GPC4: variants seen among roughly 807,000 people sequenced by gnomAD.
GPC4 encodes glypican-4.
A neutral mutation model predicts 35.0 loss-of-function variants in GPC4; 10 were observed. The observed-to-expected ratio is 0.29, with a 90% confidence interval of 0.18 to 0.48. The LOEUF (loss-of-function observed/expected upper bound fraction) is 0.48, where lower values mean the gene tolerates loss of function less well. GPC4 is among the 20% of genes least tolerant of loss of function. GPC4 has a pLI of 0.99. For synonymous variants in GPC4, 167 were observed against 170.2 expected (o/e 0.98, Z 0.15); for missense variants, 322 against 451.3 (o/e 0.71, Z 2.60).
At chrX:133,376,895 T>C (rs1308269747) in intron 1 of GPC4, among the ~76,000 whole-genome samples, 1 of 111,687 alleles carries the variant, frequency 9.0e-6, no homozygotes, top group Non-Finnish European at 1.9e-5. Flanking sequence ...CCTGCAAACA[T>C]GGACACAGAC....
In GPC4 at chrX:133,399,197, A is replaced by G. The variant is rs190421919; in HGVS notation, c.160+15609T>C. Among the ~76,000 whole-genome samples the G allele has an allele frequency of 5.3e-5, 6 of 112,365 alleles. No individual in the cohort carries two copies. The East Asian group carries it at 1.7e-3, about 32-fold the overall frequency. ...TGACAGTATTTCTGTGGTCTCTATGAAAATGAGAGCGGACTCAGACCTTTC... is the reference window on the plus strand; with the variant it reads ...TGACAGTATTTCTGTGGTCTCTATGGAAATGAGAGCGGACTCAGACCTTTC... On this transcript the variant is annotated intron_variant, in intron 1 of 8. Transcript: ENST00000370828.
At chrX:133,396,803 A>C (rs1220292978) in intron 1 of GPC4, among the ~76,000 whole-genome samples, 1 of 112,152 alleles carries the variant, frequency 8.9e-6, no homozygotes, top group African/African-American at 3.2e-5. Flanking sequence ...TTGGCAACTA[A>C]AGCAACTTAA....
At chrX:133,380,315 C>T (rs980993796) in intron 1 of GPC4, among the ~76,000 whole-genome samples, 9 of 109,762 alleles carry the variant, frequency 8.2e-5, no homozygotes, top group Admixed American at 6.9e-4. Flanking sequence ...CCAGCCTGGG[C>T]GACAGATCAA....
intron 3 of GPC4, among the ~76,000 whole-genome samples, chrX:133,315,358 G>A (rs1281904395): frequency 1.8e-5 from 2 of 110,129 alleles, no homozygotes; most frequent in Non-Finnish European, 3.8e-5. Flanking sequence ...GGATCCAGTG[G>A]TGGCACTTAC....
chrX:133,317,870 AAGAAAGG>A (rs1268049930), intron 3 of GPC4, among the ~76,000 whole-genome samples: 2 of 53,028 alleles, frequency 3.8e-5, no homozygotes, highest in African/African-American at 2.9e-4. Context: ...CATATACACA[AAGAAAGG>A]AGGATGAGAA....
chrX:133,383,162 T>C (rs2068671345), intron 1 of GPC4, among the ~76,000 whole-genome samples: 2 of 112,176 alleles, frequency 1.8e-5, no homozygotes, highest in African/African-American at 6.5e-5. Context: ...AACTAAGATG[T>C]CCTTCAGTAG....
chrX:133,331,839 T>C (rs12844345), intron 2 of GPC4, among the ~76,000 whole-genome samples: 1 of 111,344 alleles, frequency 9.0e-6, no homozygotes, highest in East Asian at 2.8e-4. Context: ...ATTATCTACG[T>C]ACACAAAAAG....
intron 2 of GPC4, among the ~76,000 whole-genome samples, chrX:133,327,288 C>T: frequency 9.0e-6 from 1 of 111,445 alleles, no homozygotes; most frequent in Non-Finnish European, 1.9e-5. Flanking sequence ...CACCTAGAGT[C>T]ATGTTGGTTT....
Position 133,414,699 on chromosome X carries a change from G to A in GPC4, c.160+107C>T, listed in dbSNP as rs184265902. On this transcript the variant is annotated intron_variant, in intron 1 of 8. Transcript: ENST00000370828. ...TCTCGACTGCCCATTTCTCCCTCTAGTGTACCTGCGTCCGGCGCAGGGGGC... is the reference window on the plus strand; with the variant it reads ...TCTCGACTGCCCATTTCTCCCTCTAATGTACCTGCGTCCGGCGCAGGGGGC... The A allele has an allele frequency of 2.7e-5, 31 of 1,167,142 alleles. No homozygotes were observed. The Admixed American group carries it at 3.0e-4, about 11-fold the overall frequency.
At chrX:133,339,135 C>T (rs768034714) in intron 2 of GPC4, 48 bp downstream of exon 2, 3 of 1,163,721 alleles carry the variant, frequency 2.6e-6, no homozygotes, top group Non-Finnish European at 3.5e-6. Flanking sequence ...GAAAAAGCTA[C>T]AGTACAGACC....
At chrX:133,369,289 C>A (rs776796644) in intron 1 of GPC4, among the ~76,000 whole-genome samples, 2 of 111,327 alleles carry the variant, frequency 1.8e-5, no homozygotes, top group Admixed American at 9.6e-5. Context: ...CCCTTTTATA[C>A]CCTGTGGGGC....
chrX:133,384,859 C>T (rs1363608180), intron 1 of GPC4, among the ~76,000 whole-genome samples: 1 of 111,713 alleles, frequency 9.0e-6, no homozygotes, highest in Non-Finnish European at 1.9e-5. Context: ...TCAAGCTGGA[C>T]TCTGTTTAAA....
At chrX:133,345,282 G>C (rs1411634540) in intron 1 of GPC4, among the ~76,000 whole-genome samples, 1 of 111,964 alleles carries the variant, frequency 8.9e-6, no homozygotes. Flanking sequence ...AAAGCCCTTT[G>C]AAAACAAGGA....
intron 1 of GPC4, among the ~76,000 whole-genome samples, chrX:133,399,896 T>C (rs1171970753): frequency 1.8e-5 from 2 of 110,532 alleles, no homozygotes; most frequent in African/African-American, 6.6e-5. Context: ...GGAGGCTGAG[T>C]TGGGAGAATT....
chrX:133,377,253 C>T (rs1389328860), intron 1 of GPC4, among the ~76,000 whole-genome samples: 2 of 111,710 alleles, frequency 1.8e-5, no homozygotes, highest in Non-Finnish European at 1.9e-5. Context: ...GGCCCTGGAG[C>T]CCAGAGCCTA....
At chrX:133,409,847 G>C (rs762525533) in intron 1 of GPC4, among the ~76,000 whole-genome samples, 5 of 111,355 alleles carry the variant, frequency 4.5e-5, no homozygotes, top group African/African-American at 9.8e-5. Context: ...GATTTAGGAG[G>C]GGGGGACAGA....
At chrX:133,386,250 A>AG (rs1169839592) in intron 1 of GPC4, among the ~76,000 whole-genome samples, 1 of 107,540 alleles carries the variant, frequency 9.3e-6, no homozygotes, top group Non-Finnish European at 1.9e-5. Flanking sequence ...AAAAAAAAAA[A>AG]AAAGATTCTA....
At chrX:133,328,934 G>C (rs1290994399) in intron 2 of GPC4, among the ~76,000 whole-genome samples, 1 of 111,909 alleles carries the variant, frequency 8.9e-6, no homozygotes, top group Non-Finnish European at 1.9e-5. Flanking sequence ...GTGGTGGTTT[G>C]CAAGGATTTG....
intron 1 of GPC4, among the ~76,000 whole-genome samples, chrX:133,355,869 C>T (rs914274765): frequency 9.0e-6 from 1 of 111,187 alleles, no homozygotes; most frequent in African/African-American, 3.3e-5. Flanking sequence ...TCTCTTAATC[C>T]CGCTATCACC....
Sources: gnomAD v4.1 joint callset for allele counts (sites outside exome capture counted in the v4.1 genomes callset) on GRCh38, gnomAD v4.1.1 for gene constraint, MANE v1.5 for transcripts, NCBI Gene and HGNC (gene_info 2026-07-23, HGNC 2026-07-21) for gene names.